Variants in PTBP3 observed in about 807,000 individuals in gnomAD.
PTBP3 encodes polypyrimidine tract-binding protein 3.
In PTBP3, 20 loss-of-function variants were observed where a neutral mutation model predicts 58.7. The observed-to-expected ratio is 0.34, with a 90% CI of 0.24 to 0.50. The LOEUF is 0.50. PTBP3 is among the 20% of genes least tolerant of loss of function. The probability of loss-of-function intolerance (pLI) is 0.98; values close to 1 mark genes in which losing one functional copy is unlikely to be tolerated. For missense variants in PTBP3, 509 were observed against 637.2 expected, an observed-to-expected ratio of 0.80 and a Z score of 2.17; for synonymous variants, 185 against 219.8, an observed-to-expected ratio of 0.84 and a Z score of 1.40.
At chr9:112,313,754 A>C (rs913912732) in intron 1 of PTBP3, among the ~76,000 whole-genome samples, 2 of 152,226 alleles carry the variant, frequency 1.3e-5, no homozygotes, top group Admixed American at 1.3e-4. Flanking sequence ...TAATCCTTTT[A>C]AGTAGATTTA....
intron 7 of PTBP3, among the ~76,000 whole-genome samples, chr9:112,244,896 C>G (rs1384961680): frequency 2.0e-5 from 3 of 151,950 alleles, no homozygotes; most frequent in Middle Eastern, 3.4e-3. Context: ...CAAGAATTGC[C>G]AAGATAGTCT....
At chr9:112,291,973 G>T (rs1050779217) in intron 2 of PTBP3, among the ~76,000 whole-genome samples, 2 of 151,972 alleles carry the variant, frequency 1.3e-5, no homozygotes, top group Non-Finnish European at 2.9e-5. Context: ...ACGTGATGGG[G>T]GTTAATAATC....
At chr9:112,266,672 A>G (rs1836813032) in intron 4 of PTBP3, among the ~76,000 whole-genome samples, 1 of 152,204 alleles carries the variant, frequency 6.6e-6, no homozygotes, top group South Asian at 2.1e-4. Flanking sequence ...GTAATGCTAT[A>G]TTTGTTGTAA....
chr9:112,340,173 A>G, the PTBP3 span, among the ~76,000 whole-genome samples: 3 of 152,286 alleles, frequency 2.0e-5, no homozygotes, highest in Admixed American at 6.5e-5. Flanking sequence ...AACAATGCCT[A>G]CTACATAATA....
At chr9:112,349,863 C>CAAAAAAAAAAAAAAAAAA in the PTBP3 span, among the ~76,000 whole-genome samples, 1 of 49,696 alleles carries the variant, frequency 2.0e-5, no homozygotes, top group African/African-American at 9.1e-5. Flanking sequence ...GACTCTGTCT[C>CAAAAAAAAAAAAAAAAAA]AAAAAAAAAA....
chr9:112,274,716 A>T (rs1159736891), intron 3 of PTBP3, among the ~76,000 whole-genome samples: 1 of 152,228 alleles, frequency 6.6e-6, no homozygotes, highest in Admixed American at 6.5e-5. Flanking sequence ...TTGAGAGGAC[A>T]TTATTTTGGA....
chr9:112,303,681 T>C (rs750385868), intron 1 of PTBP3, among the ~76,000 whole-genome samples: 9 of 149,092 alleles, frequency 6.0e-5, no homozygotes, highest in South Asian at 2.1e-4. Context: ...CTGACCAATA[T>C]GGTGAAACCC....
intron 5 of PTBP3, among the ~76,000 whole-genome samples, chr9:112,261,201 G>A (rs1254356331): frequency 6.6e-6 from 1 of 152,174 alleles, no homozygotes; most frequent in African/African-American, 2.4e-5. Context: ...GAGAGCAACC[G>A]TGGCTCTGGA....
At chr9:112,281,825 A>G (rs1827880889) in intron 2 of PTBP3, among the ~76,000 whole-genome samples, 1 of 152,318 alleles carries the variant, frequency 6.6e-6, no homozygotes, top group African/African-American at 2.4e-5. Flanking sequence ...TTAGCTTAAA[A>G]TTTCATAATA....
At chr9:112,276,364 A>T (rs1282967746) in intron 2 of PTBP3, among the ~76,000 whole-genome samples, 1 of 152,162 alleles carries the variant, frequency 6.6e-6, no homozygotes, top group East Asian at 1.9e-4. Context: ...CCTTTAATGT[A>T]TTTTAAGGAC....
intron 1 of PTBP3, among the ~76,000 whole-genome samples, chr9:112,320,314 A>ATATATATATATATATATATATTTT: frequency 3.8e-4 from 29 of 75,676 alleles, no homozygotes; most frequent in Admixed American, 5.0e-4. Flanking sequence ...ATATATATAT[A>ATATATATATATATATATATATTTT]TTTTTTTTTA....
intron 1 of PTBP3, among the ~76,000 whole-genome samples, chr9:112,325,599 T>TAAAAAAAAAAA (rs56025050): frequency 6.9e-6 from 1 of 144,492 alleles, no homozygotes; most frequent in African/African-American, 2.6e-5. Context: ...TCACAGAAAT[T>TAAAAAAAAAAA]AAAAAAAAAA....
At chr9:112,367,694 T>A in the PTBP3 span, among the ~76,000 whole-genome samples, 1 of 152,088 alleles carries the variant, frequency 6.6e-6, no homozygotes, top group Non-Finnish European at 1.5e-5. Context: ...ATGTAATGAG[T>A]TCCTTTTCTC....
chr9:112,286,048 T>C lies in PTBP3; in HGVS notation c.35-10035A>G, dbSNP rs535465043. On this transcript the variant is annotated intron_variant, in intron 2 of 13. Coordinates refer to ENST00000374257, the MANE Select transcript of PTBP3 (RefSeq NM_001163788.4). ...ACTCAATAAATTGACCTCTTTATCA[T>C]TATGAAATGTCTCTCTTTATCCCTG... Among the ~76,000 whole-genome samples the C allele has an allele frequency of 1.2e-4, 19 of 152,364 alleles. No individual in the cohort carries two copies. The South Asian group carries it at 1.9e-3, about 15-fold the overall frequency.
intron 1 of PTBP3, among the ~76,000 whole-genome samples, chr9:112,307,775 C>A (rs186997975): frequency 6.6e-6 from 1 of 152,214 alleles, no homozygotes; most frequent in Non-Finnish European, 1.5e-5. Context: ...AAGAGTCACA[C>A]TACTTTGTAA....
rs1344505342 is a variant in PTBP3 at position 112,265,974 on chromosome 9, T to C, written c.351+2075A>G. On this transcript the variant is annotated intron_variant, in intron 4 of 13. Coordinates refer to ENST00000374257, the MANE Select transcript of PTBP3 (RefSeq NM_001163788.4). ...GTAGATTCTTTTTTTAATCTTGGTG[T>C]ACTAGATCTTTCTGAGCATGGTACT... Among the ~76,000 whole-genome samples, 5 of 152,186 alleles carry C rather than the reference T, an allele frequency of 3.3e-5. No individual in the cohort carries two copies. In the East Asian group the frequency reaches 9.6e-4, roughly 29 times the overall value.
intron 4 of PTBP3, among the ~76,000 whole-genome samples, chr9:112,266,323 A>G (rs1348824237): frequency 6.6e-6 from 1 of 152,242 alleles, no homozygotes; most frequent in East Asian, 1.9e-4. Context: ...AGAAATCAGT[A>G]TAAGTATTTT....
the PTBP3 span, among the ~76,000 whole-genome samples, chr9:112,376,179 C>T: frequency 2.5e-5 from 2 of 79,290 alleles, no homozygotes; most frequent in African/African-American, 1.3e-4. Flanking sequence ...ATATATATAT[C>T]CTATTACTTC....
Position 112,275,892 on chromosome 9 carries a change from T to C in PTBP3, c.156A>G (p.Leu52=), listed in dbSNP as rs748305394. 38 of 1,613,882 alleles carry C rather than the reference T, an allele frequency of 2.4e-5. No homozygotes were observed. Among genetic ancestry groups the C allele is most frequent in the Non-Finnish European group, 3.1e-5 (37 of 1,179,882 alleles). Reference sequence around the variant, plus strand: ...AAAGATTAGTTACTTTGCCAAATGGTAGACCTAATGATATGATCTCTGCTT... The same window carrying C: ...AAAGATTAGTTACTTTGCCAAATGGCAGACCTAATGATATGATCTCTGCTT... ...VTEAEIISLG[L]PFGKVTNLLM... The change falls in exon 3 of 14, where the codon CTA becomes CTG. Residue 52 remains leucine, a synonymous_variant. Coordinates refer to ENST00000374257, the MANE Select transcript of PTBP3 (RefSeq NM_001163788.4).
Sources: gnomAD v4.1 joint callset for allele counts (sites outside exome capture counted in the v4.1 genomes callset) on GRCh38, gnomAD v4.1.1 for gene constraint, MANE v1.5 for transcripts, NCBI Gene and HGNC (gene_info 2026-07-23, HGNC 2026-07-21) for gene names.